Variants in VWDE observed in about 807,000 individuals in gnomAD.
The protein encoded by VWDE is von Willebrand factor D and EGF domain-containing protein.
Under a neutral mutation model 178.4 loss-of-function variants are expected in VWDE, and 207 were observed. That is an observed-to-expected ratio of 1.16 (90% CI 1.04 to 1.30). The LOEUF is 1.30. Ranked by LOEUF, VWDE falls within the 50% of genes most tolerant of loss-of-function variation. The pLI is 0.00. For synonymous variants in VWDE, 738 were observed against 651.4 expected (o/e 1.13, Z -2.02); for missense variants, 2,287 against 1,901.3 (o/e 1.20, Z -3.77).
chr7:12,360,261 T>C, intron 15 of VWDE, among the ~76,000 whole-genome samples: 1 of 152,176 alleles, frequency 6.6e-6, no homozygotes, highest in East Asian at 1.9e-4. Context: ...GAGAATTGAA[T>C]GTTATTCAGG....
chr7:12,389,008 A>G, intron 3 of VWDE, 119 bp downstream of exon 3: 1 of 824,002 alleles, frequency 1.2e-6, no homozygotes, highest in Admixed American at 2.0e-5. Context: ...ATCTAGCAAT[A>G]ATGGTAGACT....
chr7:12,351,739 ATTAGAC>A (rs758297965), intron 18 of VWDE, 26 bp from the exon 19 acceptor site: 2 of 1,521,398 alleles, frequency 1.3e-6, no homozygotes, highest in South Asian at 1.3e-5. Flanking sequence ...AGGAAAACAG[ATTAGAC>A]TTAAACTATT....
chr7:12,343,644 A>G (rs1781446532), intron 21 of VWDE, among the ~76,000 whole-genome samples: 1 of 152,150 alleles, frequency 6.6e-6, no homozygotes, highest in African/African-American at 2.4e-5. Context: ...CTACCAAACT[A>G]CCTTTTCACA....
At chr7:12,366,988 G>T (rs11971590) in intron 13 of VWDE, among the ~76,000 whole-genome samples, 7,892 of 151,920 alleles carry the variant, frequency 0.052, 395 homozygotes, top group South Asian at 0.16. Flanking sequence ...CTCATTTTTT[G>T]ATTTGTAAAA....
intron 11 of VWDE, 57 bp from the exon 12 acceptor site, chr7:12,370,566 A>G: frequency 6.5e-7 from 1 of 1,528,780 alleles, no homozygotes; most frequent in Admixed American, 2.0e-5. Flanking sequence ...TTTGTTTCCT[A>G]ATATGTGTTG....
chr7:12,344,979 G>A (rs189589997), intron 19 of VWDE, among the ~76,000 whole-genome samples: 22 of 151,984 alleles, frequency 1.4e-4, no homozygotes, highest in Admixed American at 1.2e-3. Flanking sequence ...CTGTTTAGCT[G>A]ATTAATGCTG....
intron 19 of VWDE, among the ~76,000 whole-genome samples, chr7:12,345,054 A>G (rs919153389): frequency 6.6e-6 from 1 of 152,090 alleles, no homozygotes; most frequent in Non-Finnish European, 1.5e-5. Flanking sequence ...ATAATACCCA[A>G]TTTGTGGGGT....
chr7:12,350,636 G>C (rs1170886575), intron 19 of VWDE, among the ~76,000 whole-genome samples: 1 of 152,078 alleles, frequency 6.6e-6, no homozygotes. Context: ...GAGAGCGTAA[G>C]TTTGAGACCC....
intron 17 of VWDE, among the ~76,000 whole-genome samples, chr7:12,356,922 CCT>C (rs1435349305): frequency 6.6e-6 from 1 of 152,158 alleles, no homozygotes. Context: ...CATCTCAGGT[CCT>C]TTCACTTGAT....
chr7:12,359,670 C>A lies in VWDE; in HGVS notation c.3182G>T (p.Gly1061Val). The change falls in exon 16 of 29, where the codon GGA becomes GTA. Residue 1061 changes from glycine to valine, a missense_variant. Physicochemically the swap from Gly to Val is moderately radical, Grantham distance 109. Coordinates refer to ENST00000275358, the MANE Select transcript of VWDE (RefSeq NM_001135924.3). ...TIKENVCIID[G>V]LCYVEGDKNP... ...TTTGTCTCCTTCAACATAGCAGAGT[C>A]CATCAATAATGCAAACATTTTCCTA... is the stretch of plus-strand genomic sequence containing the variant. The A allele has an allele frequency of 6.5e-7, 1 of 1,545,704 alleles. No homozygotes were observed. The highest frequency in any genetic ancestry group is 2.5e-5 in the East Asian group (1 of 40,732).
At chr7:12,371,942 T>C (rs1783227692) in intron 10 of VWDE, among the ~76,000 whole-genome samples, 1 of 152,124 alleles carries the variant, frequency 6.6e-6, no homozygotes, top group African/African-American at 2.4e-5. Context: ...TTTTTTACAA[T>C]AAATTTCCAG....
At chr7:12,377,962 A>T (rs1353061740) in intron 6 of VWDE, 42 bp from the exon 7 acceptor site, 4 of 1,320,600 alleles carry the variant, frequency 3.0e-6, no homozygotes, top group Middle Eastern at 2.1e-4. Flanking sequence ...TTAAAATATA[A>T]TTTATTTCTA....
chr7:12,370,489 A>G lies in VWDE; in HGVS notation c.1817T>C (p.Met606Thr). The G allele has an allele frequency of 6.5e-7, 1 of 1,538,548 alleles. No individual in the cohort carries two copies. The highest frequency in any genetic ancestry group is 1.2e-5 in the South Asian group (1 of 83,490). ...CATAGAAACTGGCAGTGTGTCAGAC[A>G]TGCTTTTTCCTGGTAAAATCCTTCC... ...NEWRILPGKS[M>T]SDTLPVSMTS... The change falls in exon 12 of 29, where the codon ATG becomes ACG. Residue 606 changes from methionine (M) to threonine (T), a missense_variant. Transcript: ENST00000275358.
At chr7:12,354,313 C>A in intron 18 of VWDE, 2 of 386,508 alleles carry the variant, frequency 5.2e-6, no homozygotes, top group Non-Finnish European at 1.0e-5. Flanking sequence ...TTAACTGCAG[C>A]AAAAAAAATC....
chr7:12,368,888 C>T (rs531961610), intron 12 of VWDE, among the ~76,000 whole-genome samples: 92 of 151,762 alleles, frequency 6.1e-4, no homozygotes, highest in Non-Finnish European at 1.1e-3. Flanking sequence ...AAAGGACAGG[C>T]AAAAATGACT....
chr7:12,377,937 C>T lies in VWDE; in HGVS notation c.880-17G>A, dbSNP rs1442479184. Reference sequence around the variant, plus strand: ...AGGCTGTAGCTGGTATAAGAAAATACGTAGAAAAATTATGTTAAAATATAA... The same window carrying T: ...AGGCTGTAGCTGGTATAAGAAAATATGTAGAAAAATTATGTTAAAATATAA... On this transcript the variant is annotated splice_polypyrimidine_tract_variant and intron_variant, in intron 6 of 28. Transcript: ENST00000275358. The T allele has an allele frequency of 1.1e-5, 15 of 1,351,872 alleles. No homozygotes were observed. The highest frequency in any genetic ancestry group is 2.1e-5 in the South Asian group (1 of 47,170). The allele number at this position is 1,351,872 out of a possible 1,614,324, so 83.7% of individuals were successfully genotyped here. A position where few individuals can be genotyped will look rare whatever the true frequency, so the allele number is the denominator to read the frequency against.
chr7:12,375,100 A>G lies in VWDE; in HGVS notation c.1152T>C (p.Ser384=), dbSNP rs747929653. ...FVYYTAVTDF[S]RDGDRVSNIV... ...TGTTTGAGACTCTATCTCCATCTCG[A>G]GAAAAATCTGTGACAGCAGTGTAGT... The change falls in exon 8 of 29, where the codon TCT becomes TCC. Residue 384 remains serine, a synonymous_variant. Transcript: ENST00000275358. 45 of 1,551,164 alleles carry G rather than the reference A, an allele frequency of 2.9e-5. No individual in the cohort carries two copies. Among genetic ancestry groups the G allele is most frequent in the Non-Finnish European group, 3.7e-5 (43 of 1,146,702 alleles).
rs1389490316 is a variant in VWDE, at chr7:12,370,145, C to A, written c.2161G>T (p.Asp721Tyr). The change falls in exon 12 of 29, where the codon GAT (aspartate) becomes TAT (tyrosine). Residue 721 changes from aspartate (D) to tyrosine (Y), a missense_variant. By Grantham distance (160) the Asp-to-Tyr change is radical. Transcript: ENST00000275358. ...TTATTGGCCAAATATTGTAGTGAAT[C>A]TTCTTTCTCATTTCCAGGATGTTTT... ...VQKHPGNEKE[D>Y]SLQYLANKKY... The A allele has an allele frequency of 1.3e-6, 2 of 1,551,276 alleles. No homozygotes were observed. Among genetic ancestry groups the A allele is most frequent in the Non-Finnish European group, 1.7e-6 (2 of 1,146,874 alleles).
In VWDE at chr7:12,369,617, T is replaced by G; in HGVS notation, c.2689A>C (p.Asn897His). The G allele has an allele frequency of 6.4e-7, 1 of 1,551,500 alleles. No individual in the cohort carries two copies. Among genetic ancestry groups the G allele is most frequent in the Non-Finnish European group, 8.7e-7 (1 of 1,146,818 alleles). ...CACCCCCATTCCATGCACTGCCCAT[T>G]GCCGCTGCATAAATTGGGGCATTTT... Reference protein sequence around the residue: ...VLKCPNLCSGNGQCMEWGCAC... With the variant: ...VLKCPNLCSGHGQCMEWGCAC... The change falls in exon 12 of 29, where the codon AAT becomes CAT. Residue 897 changes from asparagine (N) to histidine (H), a missense_variant. By Grantham distance (68) the Asn-to-His change is moderately conservative (BLOSUM62 1). Coordinates refer to ENST00000275358, the MANE Select transcript of VWDE (RefSeq NM_001135924.3).
Sources: gnomAD v4.1 joint callset for allele counts (sites outside exome capture counted in the v4.1 genomes callset) on GRCh38, gnomAD v4.1.1 for gene constraint, MANE v1.5 for transcripts, NCBI Gene and HGNC (gene_info 2026-07-23, HGNC 2026-07-21) for gene names.